AEBP2: variants seen among roughly 807,000 people sequenced by gnomAD.
The protein encoded by AEBP2 is AE binding protein 2, also known as zinc finger protein AEBP2.
AEBP2 carries 10 observed loss-of-function variants against 50.8 expected under a neutral mutation model. That is an observed-to-expected ratio of 0.20 (90% CI 0.12 to 0.33). The LOEUF (loss-of-function observed/expected upper bound fraction) is 0.33, where lower values mean the gene tolerates loss of function less well. Among genes scored for constraint, AEBP2 ranks in the 10% least tolerant of loss-of-function variants. AEBP2 has a pLI of 1.00. For missense variants in AEBP2, 570 were observed against 688.0 expected (o/e 0.83, Z 1.92); for synonymous variants, 296 against 261.3 (o/e 1.13, Z -1.28).
intron 1 of AEBP2, among the ~76,000 whole-genome samples, chr12:19,408,166 A>T (rs1474337054): frequency 6.6e-6 from 1 of 152,214 alleles, no homozygotes; most frequent in Non-Finnish European, 1.5e-5. Context: ...CTACTTAAGT[A>T]TACATAAAAT....
At chr12:19,451,675 A>AC (rs1302937159) in intron 1 of AEBP2, among the ~76,000 whole-genome samples, 1 of 128,102 alleles carries the variant, frequency 7.8e-6, no homozygotes, top group Non-Finnish European at 1.6e-5. Flanking sequence ...TTCAAAAGTG[A>AC]CCATCTTTTA....
chr12:19,431,931 G>C (rs1372051175), intron 1 of AEBP2, among the ~76,000 whole-genome samples: 2 of 152,134 alleles, frequency 1.3e-5, no homozygotes, highest in Non-Finnish European at 2.9e-5. Context: ...TAACACAGCT[G>C]CCAATTTTAG....
chr12:19,475,888 T>C (rs950292952), intron 3 of AEBP2, among the ~76,000 whole-genome samples: 2 of 152,168 alleles, frequency 1.3e-5, no homozygotes, highest in African/African-American at 2.4e-5. Context: ...TTTTTTCTTG[T>C]TGATTTCTTT....
chr12:19,492,388 C>T (rs1305762738), intron 3 of AEBP2, among the ~76,000 whole-genome samples: 2 of 152,118 alleles, frequency 1.3e-5, no homozygotes, highest in Non-Finnish European at 2.9e-5. Flanking sequence ...TAAAATAGCA[C>T]ATCTGTCAGG....
intron 5 of AEBP2, among the ~76,000 whole-genome samples, chr12:19,507,114 T>C (rs1321462946): frequency 6.6e-6 from 1 of 152,180 alleles, no homozygotes; most frequent in Non-Finnish European, 1.5e-5. Flanking sequence ...TTGTGGTATT[T>C]ATAGGTATCA....
chr12:19,439,463 T>C (rs1947899112), upstream of AEBP2, among the ~76,000 whole-genome samples: 1 of 151,176 alleles, frequency 6.6e-6, no homozygotes, highest in Non-Finnish European at 1.5e-5. Flanking sequence ...GGGGAGGTGC[T>C]GCCTCGTGCC....
chr12:19,496,650 G>GT (rs951509017), intron 4 of AEBP2, among the ~76,000 whole-genome samples: 88 of 138,804 alleles, frequency 6.3e-4, no homozygotes, highest in South Asian at 1.9e-3. Context: ...GATAAAATTT[G>GT]TTTTTTTTTT....
At chr12:19,429,200 T>C (rs2095750148) in intron 1 of AEBP2, among the ~76,000 whole-genome samples, 1 of 152,190 alleles carries the variant, frequency 6.6e-6, no homozygotes. Flanking sequence ...ATTGTTCAAT[T>C]CCCACCTATG....
intron 2 of AEBP2, among the ~76,000 whole-genome samples, chr12:19,467,704 G>C (rs1464153212): frequency 2.0e-5 from 3 of 152,152 alleles, no homozygotes; most frequent in African/African-American, 4.8e-5. Flanking sequence ...GGAAAGTGGG[G>C]AACTTGTAGG....
chr12:19,412,938 G>A (rs965036407), intron 1 of AEBP2, among the ~76,000 whole-genome samples: 4 of 152,188 alleles, frequency 2.6e-5, no homozygotes, highest in East Asian at 1.9e-4. Context: ...TGGCCATGCC[G>A]CTTTCCCCGT....
intron 5 of AEBP2, among the ~76,000 whole-genome samples, chr12:19,504,309 A>G (rs922622459): frequency 7.3e-5 from 11 of 151,466 alleles, no homozygotes; most frequent in South Asian, 4.2e-4. Flanking sequence ...ATCTCGGCTC[A>G]CTGCAAGCTC....
At chr12:19,479,891 G>A (rs1948702791) in intron 3 of AEBP2, among the ~76,000 whole-genome samples, 1 of 151,764 alleles carries the variant, frequency 6.6e-6, no homozygotes, top group South Asian at 2.1e-4. Context: ...TGAGTCTCTT[G>A]AAGACAGCAG....
chr12:19,439,785 C>A lies in AEBP2; in HGVS notation c.86C>A (p.Ala29Glu). ...PLPPGSPGSAARGRAEPPEEE... is the reference protein window; with the variant it reads ...PLPPGSPGSAERGRAEPPEEE... ...CCCCCCGGCAGCCCGGGTTCGGCGGCGCGGGGCCGGGCTGAGCCCCCCGAG... is the reference window on the plus strand; with the variant it reads ...CCCCCCGGCAGCCCGGGTTCGGCGGAGCGGGGCCGGGCTGAGCCCCCCGAG... The change falls in exon 1 of 8, where the codon GCG (alanine) becomes GAG (glutamate). Residue 29 changes from alanine to glutamate, a missense_variant. Around this residue, in one of 2 missense-constraint regions of AEBP2, gnomAD observed 386 missense variants for 336.8 expected, o/e 1.15. Coordinates refer to ENST00000266508, the MANE Select transcript of AEBP2 (RefSeq NM_153207.5). 1 of 1,514,572 alleles carries A rather than the reference C, an allele frequency of 6.6e-7. No individual in the cohort carries two copies. The allele number at this position is 1,514,572 out of a possible 1,614,324, so 93.8% of individuals were successfully genotyped here.
rs528137804 is a variant in AEBP2, at chr12:19,415,412, G to A, written c.-17+11196G>A. ...AAAAAGTGCACAGTCTAGGGGTGGT[G>A]ATTTTCTAGCATTCAGAGGCCACTT... On this transcript the variant is annotated intron_variant, in intron 1 of 3. Coordinates refer to the AEBP2 transcript ENST00000538425. 1.1e-4 allele frequency among the ~76,000 whole-genome samples: 16 copies of A among 140,188 alleles called. No individual in the cohort carries two copies. In the South Asian group the frequency reaches 3.4e-3, roughly 30 times the overall value. The allele number at this position is 140,188 out of a possible 152,430, so 92.0% of individuals were successfully genotyped here.
intron 6 of AEBP2, among the ~76,000 whole-genome samples, 162 bp downstream of exon 6, chr12:19,512,627 T>C (rs1949250387): frequency 6.6e-6 from 1 of 152,018 alleles, no homozygotes; most frequent in African/African-American, 2.4e-5. Context: ...GGTCTTACAC[T>C]ATCAGGTTCA....
chr12:19,518,006 T>C (rs1565741311), intron 7 of AEBP2, 81 bp from the exon 8 acceptor site: 2 of 1,279,576 alleles, frequency 1.6e-6, no homozygotes, highest in Non-Finnish European at 2.1e-6. Flanking sequence ...CTGTATCTTA[T>C]TAATATTTTT....
chr12:19,448,768 C>T (rs1948117706), intron 1 of AEBP2, among the ~76,000 whole-genome samples: 1 of 152,188 alleles, frequency 6.6e-6, no homozygotes, highest in Non-Finnish European at 1.5e-5. Context: ...CAGCCTCAAA[C>T]TCCTGGACCC....
At position 19,509,816 on chromosome 12, in the gene AEBP2, C is replaced by CTTTT. The variant is rs1565737482; in HGVS notation, c.1300-2579_1300-2578insTTTT. On this transcript the variant is annotated intron_variant, in intron 5 of 7. Transcript: ENST00000266508. ...TTCGATAATATTAGTAACATGGCTACTTTCTTTTTTTTTTTTTTTTTTTTT... is the reference window on the plus strand; with the variant it reads ...TTCGATAATATTAGTAACATGGCTACTTTTTTTCTTTTTTTTTTTTTTTTTTTTT... 3.0e-4 allele frequency among the ~76,000 whole-genome samples: 36 copies of CTTTT among 121,046 alleles called. 2 individuals are homozygous for CTTTT. The highest frequency in any genetic ancestry group is 1.2e-3 in the African/African-American group (36 of 30,740). The allele number at this position is 121,046 out of a possible 152,430, so 79.4% of individuals were successfully genotyped here. A position where few individuals can be genotyped will look rare whatever the true frequency, so the allele number is the denominator to read the frequency against.
Position 19,518,175 on chromosome 12 carries a change from G to T in AEBP2, c.*58G>T. 6.6e-7 allele frequency: 1 copy of T among 1,504,484 alleles called. No individual in the cohort carries two copies. The highest frequency in any genetic ancestry group is 1.3e-5 in the South Asian group (1 of 74,220). The allele number at this position is 1,504,484 out of a possible 1,614,324, so 93.2% of individuals were successfully genotyped here. ...GGGGACACCTGCAGTCTTAGTCACTGACAATGGGTTTAGGGAAAGTTGCAC... is the reference window on the plus strand; with the variant it reads ...GGGGACACCTGCAGTCTTAGTCACTTACAATGGGTTTAGGGAAAGTTGCAC... On this transcript the variant is annotated 3_prime_UTR_variant, in exon 8 of 8. Transcript: ENST00000266508.
Sources: allele counts gnomAD v4.1 joint callset (sites outside exome capture counted in the v4.1 genomes callset), GRCh38; gene constraint gnomAD v4.1.1; regional missense constraint gnomAD v4.1.1; transcripts MANE v1.5; gene names NCBI Gene and HGNC (gene_info 2026-07-23, HGNC 2026-07-21).